Variants in NRXN3 observed in about 807,000 individuals in gnomAD.
The protein encoded by NRXN3 is neurexin 3, also known as neurexin III.
Under a neutral mutation model 137.6 loss-of-function variants are expected in NRXN3, and 32 were observed. That is an observed-to-expected ratio of 0.23 (90% CI 0.18 to 0.31). NRXN3 has a LOEUF of 0.31. Ranked by LOEUF, NRXN3 falls within the 10% of genes least tolerant of loss-of-function variation. The probability of loss-of-function intolerance (pLI) is 1.00; values close to 1 mark genes in which losing one functional copy is unlikely to be tolerated. For synonymous variants in NRXN3, 798 were observed against 784.5 expected (o/e 1.02, Z -0.29); for missense variants, 1,574 against 2,062.5 (o/e 0.76, Z 4.59).
chr14:78,788,013 G>T (rs1393831798), intron 8 of NRXN3, among the ~76,000 whole-genome samples: 2 of 152,100 alleles, frequency 1.3e-5, no homozygotes, highest in Non-Finnish European at 2.9e-5. Flanking sequence ...CCACTTTACA[G>T]TTTGAATTGC....
Position 78,418,721 on chromosome 14 carries a change from G to T in NRXN3, c.757+120861G>T, listed in dbSNP as rs542297385. On this transcript the variant is annotated intron_variant, in intron 4 of 20. Transcript: ENST00000335750. Reference sequence around the variant, plus strand: ...TATGAAAGTCATTCTGGTAGCAATGGTAATAGTACTATTAATAATAATGAT... The same window carrying T: ...TATGAAAGTCATTCTGGTAGCAATGTTAATAGTACTATTAATAATAATGAT... 1.6e-4 allele frequency among the ~76,000 whole-genome samples: 24 copies of T among 152,302 alleles called. No individual in the cohort carries two copies. In the South Asian group the frequency reaches 5.0e-3, roughly 32 times the overall value.
intron 16 of NRXN3, among the ~76,000 whole-genome samples, chr14:79,504,016 T>C (rs544251514): frequency 1.5e-4 from 23 of 152,218 alleles, no homozygotes; most frequent in Admixed American, 9.8e-4. Context: ...AATCTTTTCA[T>C]CTCAGTTTTG....
chr14:79,846,532 A>G (rs1451788661), intron 20 of NRXN3, among the ~76,000 whole-genome samples: 1 of 152,230 alleles, frequency 6.6e-6, no homozygotes, highest in Non-Finnish European at 1.5e-5. Flanking sequence ...AATGGATAAA[A>G]CGTTACAGAA....
intron 10 of NRXN3, among the ~76,000 whole-genome samples, chr14:78,812,541 T>G (rs2098917388): frequency 6.6e-6 from 1 of 152,188 alleles, no homozygotes; most frequent in African/African-American, 2.4e-5. Context: ...TCTCATGAAG[T>G]CAATCCCATA....
chr14:79,237,653 A>G (rs961439332), intron 15 of NRXN3, among the ~76,000 whole-genome samples: 2 of 152,110 alleles, frequency 1.3e-5, no homozygotes, highest in Non-Finnish European at 2.9e-5. Flanking sequence ...TTGAATACCT[A>G]TTATGGTCCA....
chr14:79,475,261 A>G (rs2096549593), intron 16 of NRXN3, among the ~76,000 whole-genome samples: 1 of 152,178 alleles, frequency 6.6e-6, no homozygotes, highest in Non-Finnish European at 1.5e-5. Context: ...CAAGCTGACA[A>G]AGTGTGTGGA....
intron 15 of NRXN3, among the ~76,000 whole-genome samples, chr14:79,416,785 C>A: frequency 6.6e-6 from 1 of 152,128 alleles, no homozygotes; most frequent in East Asian, 1.9e-4. Flanking sequence ...AGTAGTAATT[C>A]TTGTCAGTGT....
At chr14:78,223,692 T>G (rs1234688907) in intron 1 of NRXN3, among the ~76,000 whole-genome samples, 2 of 152,132 alleles carry the variant, frequency 1.3e-5, no homozygotes, top group African/African-American at 4.8e-5. Context: ...CCAAGATAAC[T>G]CTTTCCCTGA....
intron 4 of NRXN3, among the ~76,000 whole-genome samples, chr14:78,313,483 G>GT (rs5809876): frequency 0.012 from 1,747 of 148,962 alleles, 22 homozygotes; most frequent in African/African-American, 0.037. Flanking sequence ...TTAAATAAAG[G>GT]TTTTTTTTTT....
At chr14:78,740,391 T>TA (rs1440691318) in intron 8 of NRXN3, among the ~76,000 whole-genome samples, 1 of 151,696 alleles carries the variant, frequency 6.6e-6, no homozygotes, top group Admixed American at 6.6e-5. Context: ...TCCTTTTTTT[T>TA]TTCTGCCACA....
chr14:78,611,419 C>T (rs1293754415), intron 4 of NRXN3, among the ~76,000 whole-genome samples: 1 of 150,724 alleles, frequency 6.6e-6, no homozygotes, highest in African/African-American at 2.4e-5. Flanking sequence ...ACTTCCTTTC[C>T]CTCCTCTTTT....
intron 15 of NRXN3, among the ~76,000 whole-genome samples, chr14:79,115,052 A>G (rs1164945995): frequency 6.6e-6 from 1 of 152,104 alleles, no homozygotes; most frequent in East Asian, 1.9e-4. Flanking sequence ...TAGGCCAGGC[A>G]CGGTGGCTCA....
At chr14:79,569,443 G>A (rs1187253062) in intron 16 of NRXN3, among the ~76,000 whole-genome samples, 1 of 152,130 alleles carries the variant, frequency 6.6e-6, no homozygotes, top group Non-Finnish European at 1.5e-5. Flanking sequence ...AATCAGGGTA[G>A]ATGATTCTGA....
intron 8 of NRXN3, among the ~76,000 whole-genome samples, chr14:78,786,418 C>T (rs979876762): frequency 7.9e-5 from 12 of 152,180 alleles, no homozygotes; most frequent in Admixed American, 3.3e-4. Flanking sequence ...ACTGTAACTG[C>T]ATATTTGAAT....
chr14:78,405,018 G>T (rs1434754936), intron 4 of NRXN3, among the ~76,000 whole-genome samples: 2 of 152,076 alleles, frequency 1.3e-5, no homozygotes. Context: ...ACATCATTAG[G>T]GATAAAAATG....
chr14:78,881,431 A>G (rs1172424127), intron 10 of NRXN3, among the ~76,000 whole-genome samples: 1 of 151,694 alleles, frequency 6.6e-6, no homozygotes, highest in Non-Finnish European at 1.5e-5. Flanking sequence ...TGATACTGAC[A>G]TGGACAATGA....
At chr14:78,305,173 G>A (rs1302041262) in intron 4 of NRXN3, among the ~76,000 whole-genome samples, 1 of 152,246 alleles carries the variant, frequency 6.6e-6, no homozygotes, top group South Asian at 2.1e-4. Context: ...TCTGTGTGTT[G>A]GGTAAAGTTG....
intron 3 of NRXN3, among the ~76,000 whole-genome samples, chr14:78,285,506 T>C (rs1197037840): frequency 1.3e-5 from 2 of 152,136 alleles, no homozygotes; most frequent in African/African-American, 4.8e-5. Flanking sequence ...CAGTAAAAAG[T>C]AGTGGAACAG....
intron 20 of NRXN3, among the ~76,000 whole-genome samples, chr14:79,825,980 T>C (rs2099297616): frequency 6.7e-6 from 1 of 149,520 alleles, no homozygotes; most frequent in Non-Finnish European, 1.5e-5. Context: ...AAATTACACA[T>C]ATATATACCT....
Sources: allele counts gnomAD v4.1 joint callset (sites outside exome capture counted in the v4.1 genomes callset), GRCh38; gene constraint gnomAD v4.1.1; transcripts MANE v1.5; gene names NCBI Gene and HGNC (gene_info 2026-07-23, HGNC 2026-07-21).